SAMD12: variants seen among roughly 807,000 people sequenced by gnomAD.
SAMD12 encodes the protein sterile alpha motif domain-containing protein 12.
In SAMD12, 9 loss-of-function variants were observed where a neutral mutation model predicts 15.0. The observed-to-expected ratio is 0.60, with a 90% CI of 0.36 to 1.05. The LOEUF (loss-of-function observed/expected upper bound fraction) is 1.05. Among genes scored for constraint, SAMD12 ranks in the 50% least tolerant of loss-of-function variants. SAMD12 has a pLI of 0.01. For synonymous variants in SAMD12, 86 were observed against 90.1 expected (o/e 0.96, Z 0.25); for missense variants, 230 against 234.2 (o/e 0.98, Z 0.12).
At chr8:118,454,132 A>C (rs1489524888) in intron 2 of SAMD12, among the ~76,000 whole-genome samples, 2 of 152,228 alleles carry the variant, frequency 1.3e-5, no homozygotes, top group African/African-American at 4.8e-5. Flanking sequence ...ACTTCCTAAG[A>C]AATGGTTTTG....
chr8:118,425,704 G>C (rs979510528), intron 3 of SAMD12, among the ~76,000 whole-genome samples: 1 of 152,170 alleles, frequency 6.6e-6, no homozygotes, highest in African/African-American at 2.4e-5. Flanking sequence ...GGAGACTAGA[G>C]AACAGAATAA....
At chr8:118,512,913 C>A (rs1825126144) in intron 2 of SAMD12, among the ~76,000 whole-genome samples, 1 of 152,230 alleles carries the variant, frequency 6.6e-6, no homozygotes, top group African/African-American at 2.4e-5. Flanking sequence ...TTCTGCAAAG[C>A]TCTTGCTTAT....
At chr8:118,407,476 A>G (rs1563836458) in intron 3 of SAMD12, among the ~76,000 whole-genome samples, 1 of 152,228 alleles carries the variant, frequency 6.6e-6, no homozygotes, top group Non-Finnish European at 1.5e-5. Context: ...AGGAAAATAA[A>G]TCACACAATG....
chr8:118,550,286 G>A (rs1382821321), intron 2 of SAMD12, among the ~76,000 whole-genome samples: 10 of 152,152 alleles, frequency 6.6e-5, no homozygotes, highest in African/African-American at 1.4e-4. Flanking sequence ...GAGCAAGGTC[G>A]GGTTACCCAC....
At chr8:118,525,748 C>T (rs1242422874) in intron 2 of SAMD12, among the ~76,000 whole-genome samples, 1 of 152,146 alleles carries the variant, frequency 6.6e-6, no homozygotes, top group Non-Finnish European at 1.5e-5. Flanking sequence ...TGTAACCTGC[C>T]CTGCTCCTCC....
At chr8:118,537,049 A>G (rs1440347248) in intron 2 of SAMD12, among the ~76,000 whole-genome samples, 1 of 152,174 alleles carries the variant, frequency 6.6e-6, no homozygotes, top group East Asian at 1.9e-4. Flanking sequence ...TGCTGGATAT[A>G]CTATTCTAGG....
In SAMD12 at chr8:118,607,229, C is replaced by T. The variant is rs1828006244; in HGVS notation, c.13+14575G>A. On this transcript the variant is annotated intron_variant, in intron 1 of 3. Transcript: ENST00000314727. ...ATGATAAAGTCCTGATCCAGTATTCCCCAAATGTCCTTTTTTTTTTCTTGA... is the reference window on the plus strand; with the variant it reads ...ATGATAAAGTCCTGATCCAGTATTCTCCAAATGTCCTTTTTTTTTTCTTGA... Among the ~76,000 whole-genome samples, 3 of 147,144 alleles carry T rather than the reference C, an allele frequency of 2.0e-5. No individual in the cohort carries two copies. The South Asian group carries it at 6.7e-4, about 33-fold the overall frequency.
At chr8:118,552,109 C>T (rs962179507) in intron 2 of SAMD12, among the ~76,000 whole-genome samples, 5 of 152,128 alleles carry the variant, frequency 3.3e-5, no homozygotes, top group African/African-American at 1.2e-4. Flanking sequence ...CGAGGAGGAA[C>T]TGGTACCATT....
At chr8:118,372,175 G>A (rs1398808009) in intron 4 of SAMD12, among the ~76,000 whole-genome samples, 1 of 152,118 alleles carries the variant, frequency 6.6e-6, no homozygotes, top group Non-Finnish European at 1.5e-5. Flanking sequence ...AATCTGACTG[G>A]CTCATGTTTT....
intron 4 of SAMD12, among the ~76,000 whole-genome samples, chr8:118,270,655 T>C (rs1045783376): frequency 6.6e-6 from 1 of 151,990 alleles, no homozygotes; most frequent in African/African-American, 2.4e-5. Context: ...AGTTGGGGAG[T>C]CACAGAACAT....
At chr8:118,290,578 C>G (rs1325452802) in intron 4 of SAMD12, among the ~76,000 whole-genome samples, 2 of 152,164 alleles carry the variant, frequency 1.3e-5, no homozygotes, top group Non-Finnish European at 2.9e-5. Context: ...CATTTATTTG[C>G]TTTTTGCTTA....
chr8:118,427,259 G>T (rs1822260269), intron 3 of SAMD12, among the ~76,000 whole-genome samples: 1 of 152,068 alleles, frequency 6.6e-6, no homozygotes, highest in African/African-American at 2.4e-5. Context: ...AAAAATGCAG[G>T]ATAACACGTT....
At chr8:118,239,172 T>C (rs1314377710) in intron 4 of SAMD12, among the ~76,000 whole-genome samples, 3 of 152,124 alleles carry the variant, frequency 2.0e-5, no homozygotes, top group East Asian at 1.9e-4. Context: ...GTGATGATTA[T>C]AATGCTGATA....
rs1466412378 is a variant in SAMD12, at chr8:118,333,945, TG to T, written c.433+45614del. Among the ~76,000 whole-genome samples, 105 of 138,476 alleles carry T rather than the reference TG, an allele frequency of 7.6e-4. 1 individual carries two copies. The highest frequency in any genetic ancestry group is 2.8e-3 in the African/African-American group (104 of 36,578). 90.8% of individuals were successfully genotyped at this position (138,476 alleles called of 152,430 possible). ...GGGGGTATGTCTGTGTGTGTGTGTGTGTGCACATTGGCGGGGGGCAGGGGTG... is the reference window on the plus strand; with the variant it reads ...GGGGGTATGTCTGTGTGTGTGTGTGTTGCACATTGGCGGGGGGCAGGGGTG... On this transcript the variant is annotated intron_variant, in intron 4 of 4. Transcript: ENST00000409003.
intron 3 of SAMD12, among the ~76,000 whole-genome samples, chr8:118,384,515 T>C (rs1382010159): frequency 2.0e-5 from 3 of 152,090 alleles, no homozygotes; most frequent in Non-Finnish European, 4.4e-5. Flanking sequence ...TTTTAATAAC[T>C]TTACAATGCC....
intron 2 of SAMD12, among the ~76,000 whole-genome samples, chr8:118,487,015 A>G (rs1277620109): frequency 2.0e-5 from 3 of 152,168 alleles, no homozygotes; most frequent in African/African-American, 7.2e-5. Flanking sequence ...GTGTTTTCCA[A>G]TAGGAAGTCA....
At chr8:118,558,477 T>G (rs766323800) in intron 2 of SAMD12, among the ~76,000 whole-genome samples, 5 of 152,232 alleles carry the variant, frequency 3.3e-5, no homozygotes, top group Non-Finnish European at 5.9e-5. Context: ...TCTTATATAT[T>G]GGCAAGGATG....
At chr8:118,507,696 C>G (rs1824958608) in intron 2 of SAMD12, among the ~76,000 whole-genome samples, 1 of 152,168 alleles carries the variant, frequency 6.6e-6, no homozygotes, top group Non-Finnish European at 1.5e-5. Context: ...ATCCTTGAGT[C>G]AAACTGCTCC....
At chr8:118,236,890 C>A (rs1812447126) in intron 4 of SAMD12, among the ~76,000 whole-genome samples, 1 of 152,146 alleles carries the variant, frequency 6.6e-6, no homozygotes, top group Non-Finnish European at 1.5e-5. Context: ...GGAAATCTAC[C>A]TTCTCGTTTT....
Sources: allele counts gnomAD v4.1 joint callset (sites outside exome capture counted in the v4.1 genomes callset), GRCh38; gene constraint gnomAD v4.1.1; transcripts MANE v1.5; gene names NCBI Gene and HGNC (gene_info 2026-07-23, HGNC 2026-07-21).